Variants in RBMS3 observed in about 807,000 individuals in gnomAD.
RBMS3 encodes RNA-binding motif, single-stranded-interacting protein 3.
RBMS3 carries 27 observed loss-of-function variants against 66.8 expected under a neutral mutation model. The observed-to-expected ratio is 0.40, with a 90% confidence interval of 0.30 to 0.56. The LOEUF is 0.56. Ranked by LOEUF, RBMS3 falls within the 20% of genes least tolerant of loss-of-function variation. RBMS3 has a pLI of 0.40. For synonymous variants in RBMS3, 188 were observed against 183.0 expected, an observed-to-expected ratio of 1.03 and a Z score of -0.22; for missense variants, 513 against 549.5, an observed-to-expected ratio of 0.93 and a Z score of 0.66.
chr3:29,729,563 A>G (rs1171548432), intron 4 of RBMS3, among the ~76,000 whole-genome samples: 1 of 152,130 alleles, frequency 6.6e-6, no homozygotes, highest in Admixed American at 6.5e-5. Flanking sequence ...GAATCGCCAC[A>G]CTGTCTTCTA....
At chr3:29,840,788 G>GT (rs921659300) in intron 6 of RBMS3, among the ~76,000 whole-genome samples, 2 of 151,500 alleles carry the variant, frequency 1.3e-5, no homozygotes, top group South Asian at 4.2e-4. Context: ...TTGCTTTCAG[G>GT]TTTTTTTTCT....
At chr3:29,471,469 G>A (rs963687835) in intron 2 of RBMS3, among the ~76,000 whole-genome samples, 2 of 152,084 alleles carry the variant, frequency 1.3e-5, no homozygotes, top group Admixed American at 6.6e-5. Context: ...TAAGACAAGC[G>A]AACAAGAGGC....
intron 14 of RBMS3, among the ~76,000 whole-genome samples, chr3:29,998,134 C>G (rs1483579960): frequency 6.6e-6 from 1 of 151,230 alleles, no homozygotes; most frequent in Non-Finnish European, 1.5e-5. Flanking sequence ...AACAGACAAA[C>G]AGCCAAATCA....
At chr3:29,950,210 C>A (rs543268841) in intron 12 of RBMS3, among the ~76,000 whole-genome samples, 2 of 151,938 alleles carry the variant, frequency 1.3e-5, no homozygotes, top group South Asian at 4.1e-4. Context: ...CAGAGAAAAA[C>A]GACGCTTAGT....
intron 1 of RBMS3, among the ~76,000 whole-genome samples, chr3:29,378,934 C>T (rs892812865): frequency 1.3e-5 from 2 of 152,194 alleles, no homozygotes; most frequent in African/African-American, 4.8e-5. Context: ...GACTATCTCT[C>T]ATTTGATTTC....
intron 6 of RBMS3, among the ~76,000 whole-genome samples, chr3:29,854,481 CAGG>C (rs2059022844): frequency 6.6e-6 from 1 of 152,184 alleles, no homozygotes; most frequent in Non-Finnish European, 1.5e-5. Flanking sequence ...GAGACACCTT[CAGG>C]AGACCTTCTC....
At chr3:29,835,555 A>T (rs138342526) in intron 6 of RBMS3, among the ~76,000 whole-genome samples, 1 of 152,082 alleles carries the variant, frequency 6.6e-6, no homozygotes, top group South Asian at 2.1e-4. Context: ...AAATTAAAAG[A>T]TAATTAAAAA....
chr3:29,479,173 T>C (rs1347770), intron 2 of RBMS3, among the ~76,000 whole-genome samples: 86,094 of 151,914 alleles, frequency 0.57, 24,970 homozygotes, highest in African/African-American at 0.67. Flanking sequence ...AATTATTTCA[T>C]GTTAAATAAA....
At chr3:29,509,435 G>A (rs1285288639) in intron 3 of RBMS3, among the ~76,000 whole-genome samples, 1 of 152,056 alleles carries the variant, frequency 6.6e-6, no homozygotes, top group Non-Finnish European at 1.5e-5. Context: ...TTTTCAAATT[G>A]ATATAATTAT....
chr3:29,321,312 C>T (rs955149362), intron 1 of RBMS3, among the ~76,000 whole-genome samples: 4 of 151,986 alleles, frequency 2.6e-5, no homozygotes, highest in African/African-American at 4.8e-5. Context: ...AAATAAAATA[C>T]GACACATTTT....
intron 3 of RBMS3, among the ~76,000 whole-genome samples, chr3:29,525,813 C>G (rs2045071013): frequency 1.3e-5 from 2 of 152,130 alleles, no homozygotes; most frequent in African/African-American, 2.4e-5. Flanking sequence ...GTTGTCTACA[C>G]TGGGTATGAA....
intron 4 of RBMS3, among the ~76,000 whole-genome samples, chr3:29,622,871 T>C (rs2048914941): frequency 6.6e-6 from 1 of 151,794 alleles, no homozygotes; most frequent in South Asian, 2.1e-4. Context: ...GTAATCCCAG[T>C]TTTGGGAGGC....
intron 1 of RBMS3, among the ~76,000 whole-genome samples, chr3:29,372,156 T>C (rs1003287972): frequency 6.6e-6 from 1 of 152,126 alleles, no homozygotes; most frequent in Non-Finnish European, 1.5e-5. Flanking sequence ...TAAGAAACCC[T>C]GTCTCTACTA....
chr3:29,881,399 CTT>C (rs2059734058), intron 7 of RBMS3, among the ~76,000 whole-genome samples: 1 of 152,124 alleles, frequency 6.6e-6, no homozygotes, highest in Non-Finnish European at 1.5e-5. Flanking sequence ...AACGTAATCT[CTT>C]TTAAATTTCA....
chr3:29,836,327 C>A (rs1450496336), intron 6 of RBMS3, among the ~76,000 whole-genome samples: 1 of 151,978 alleles, frequency 6.6e-6, no homozygotes, highest in African/African-American at 2.4e-5. Flanking sequence ...AATTTCAGGT[C>A]AATATCTCTG....
chr3:29,374,851 C>T (rs2038385968), intron 1 of RBMS3, among the ~76,000 whole-genome samples: 1 of 152,198 alleles, frequency 6.6e-6, no homozygotes, highest in Non-Finnish European at 1.5e-5. Flanking sequence ...TATGCTTTGG[C>T]AGCTATTTAC....
At chr3:29,671,039 T>A (rs902245477) in intron 4 of RBMS3, among the ~76,000 whole-genome samples, 1 of 152,126 alleles carries the variant, frequency 6.6e-6, no homozygotes, top group Admixed American at 6.5e-5. Context: ...CGAGTGCCCC[T>A]CTGAGACGAA....
chr3:29,949,770 A>C (rs1046904024), intron 12 of RBMS3, among the ~76,000 whole-genome samples: 2 of 151,416 alleles, frequency 1.3e-5, no homozygotes, highest in Non-Finnish European at 2.9e-5. Flanking sequence ...TAATATTTTC[A>C]TTATATATTG....
intron 6 of RBMS3, among the ~76,000 whole-genome samples, chr3:29,842,276 A>G (rs879898828): frequency 1.3e-5 from 2 of 152,150 alleles, no homozygotes; most frequent in Admixed American, 1.3e-4. Flanking sequence ...TAAACTGAAT[A>G]AGCAAAGAAA....
Sources: gnomAD v4.1 joint callset for allele counts (sites outside exome capture counted in the v4.1 genomes callset) on GRCh38, gnomAD v4.1.1 for gene constraint, MANE v1.5 for transcripts, NCBI Gene and HGNC (gene_info 2026-07-23, HGNC 2026-07-21) for gene names.